The following CSMD1 variants were observed in gnomAD, a reference collection of about 807,000 sequenced individuals.
CSMD1 encodes the protein CUB and sushi domain-containing protein 1.
CSMD1 carries 213 observed loss-of-function variants against 417.5 expected under a neutral mutation model. The ratio of observed to expected loss-of-function variants is 0.51; its 90% CI spans 0.46 to 0.57. The LOEUF (loss-of-function observed/expected upper bound fraction) is 0.57. Among genes scored for constraint, CSMD1 ranks in the 20% least tolerant of loss-of-function variants. The probability of loss-of-function intolerance (pLI) is 0.00; values close to 1 mark genes in which losing one functional copy is unlikely to be tolerated. For missense variants in CSMD1, 6,923 were observed against 4,529.7 expected (o/e 1.53, Z -15.17); for synonymous variants, 2,862 against 1,736.8 (o/e 1.65, Z -16.11).
At chr8:4,534,209 G>T (rs555150027) in intron 2 of CSMD1, among the ~76,000 whole-genome samples, 2 of 152,166 alleles carry the variant, frequency 1.3e-5, no homozygotes, top group Non-Finnish European at 2.9e-5. Flanking sequence ...GAGCACACCT[G>T]CTATCTCAGA....
intron 1 of CSMD1, among the ~76,000 whole-genome samples, chr8:4,680,592 T>G (rs1805976736): frequency 6.6e-6 from 1 of 151,746 alleles, no homozygotes; most frequent in Non-Finnish European, 1.5e-5. Flanking sequence ...TTTTTGTGTT[T>G]GTTTTTGTGA....
At chr8:3,590,370 C>T (rs1479784005) in intron 8 of CSMD1, among the ~76,000 whole-genome samples, 1 of 152,142 alleles carries the variant, frequency 6.6e-6, no homozygotes, top group Non-Finnish European at 1.5e-5. Flanking sequence ...CCTTTCTTCT[C>T]ACCCATCAAG....
At chr8:3,440,880 G>T (rs1487626947) in intron 12 of CSMD1, among the ~76,000 whole-genome samples, 1 of 152,170 alleles carries the variant, frequency 6.6e-6, no homozygotes, top group Non-Finnish European at 1.5e-5. Flanking sequence ...GTTACAGCAG[G>T]CTTGATGGTG....
chr8:3,154,535 C>G (rs968109048), intron 39 of CSMD1, among the ~76,000 whole-genome samples: 1 of 152,008 alleles, frequency 6.6e-6, no homozygotes, highest in African/African-American at 2.4e-5. Flanking sequence ...TGTGTGAATT[C>G]TTGGTTTTGG....
intron 1 of CSMD1, among the ~76,000 whole-genome samples, chr8:4,762,452 C>A (rs1466264874): frequency 6.6e-6 from 1 of 152,062 alleles, no homozygotes; most frequent in African/African-American, 2.4e-5. Flanking sequence ...TCTCAAGCAT[C>A]TCAGTTATTT....
At chr8:3,345,428 T>C (rs1331284118) in intron 22 of CSMD1, among the ~76,000 whole-genome samples, 5 of 152,064 alleles carry the variant, frequency 3.3e-5, no homozygotes, top group African/African-American at 7.2e-5. Context: ...TTGATGAACA[T>C]GGAACACTCC....
chr8:4,349,184 C>T (rs553547014), intron 3 of CSMD1, among the ~76,000 whole-genome samples: 6 of 152,126 alleles, frequency 3.9e-5, no homozygotes, highest in Non-Finnish European at 5.9e-5. Flanking sequence ...CATCAGAGAA[C>T]TAAGTGAAGA....
chr8:4,628,108 T>C (rs974834378), intron 2 of CSMD1, among the ~76,000 whole-genome samples: 4 of 135,954 alleles, frequency 2.9e-5, no homozygotes, highest in Non-Finnish European at 4.8e-5. Context: ...ACCATATATA[T>C]ACTTCTGTGT....
At chr8:3,994,522 A>G (rs551474319) in intron 5 of CSMD1, among the ~76,000 whole-genome samples, 83 of 152,110 alleles carry the variant, frequency 5.5e-4, no homozygotes, top group Admixed American at 9.2e-4. Context: ...AAGAAAAATA[A>G]TGACTAGACC....
At chr8:4,500,319 C>A (rs376465899) in intron 2 of CSMD1, among the ~76,000 whole-genome samples, 1 of 152,156 alleles carries the variant, frequency 6.6e-6, no homozygotes. Context: ...CAGGGATATT[C>A]TGTAACCACC....
At chr8:2,966,493 C>T in intron 58 of CSMD1, 77 bp downstream of exon 58, 1 of 1,361,404 alleles carries the variant, frequency 7.3e-7, no homozygotes. Flanking sequence ...CAGTATAACA[C>T]CTTAAAGTCA....
At chr8:3,753,428 C>A (rs1200919926) in intron 6 of CSMD1, among the ~76,000 whole-genome samples, 3 of 152,124 alleles carry the variant, frequency 2.0e-5, no homozygotes, top group Non-Finnish European at 4.4e-5. Context: ...CTACAGACTC[C>A]CCATTTTGCT....
chr8:4,581,362 C>T (rs142007486), intron 2 of CSMD1, among the ~76,000 whole-genome samples: 17 of 152,196 alleles, frequency 1.1e-4, no homozygotes, highest in Admixed American at 2.0e-4. Context: ...TACTACCTCT[C>T]GATATACTGT....
intron 7 of CSMD1, among the ~76,000 whole-genome samples, chr8:3,704,198 C>T (rs1047742275): frequency 3.9e-5 from 6 of 152,130 alleles, no homozygotes; most frequent in African/African-American, 1.2e-4. Flanking sequence ...TGCAGCCGGC[C>T]TGAAAAATCA....
chr8:3,773,333 G>C (rs1356956114), intron 5 of CSMD1, among the ~76,000 whole-genome samples: 1 of 152,170 alleles, frequency 6.6e-6, no homozygotes, highest in Non-Finnish European at 1.5e-5. Flanking sequence ...ACCCAGGCTG[G>C]AGTGCAGTGG....
chr8:3,189,857 C>A (rs926887801), intron 34 of CSMD1, 55 bp downstream of exon 34: 2 of 1,457,840 alleles, frequency 1.4e-6, no homozygotes, highest in Non-Finnish European at 9.3e-7. Context: ...TGAGAAGTAA[C>A]TCTTTGGCAC....
intron 1 of CSMD1, among the ~76,000 whole-genome samples, chr8:4,653,664 A>G (rs1406489404): frequency 6.6e-6 from 1 of 152,100 alleles, no homozygotes; most frequent in Non-Finnish European, 1.5e-5. Flanking sequence ...TGTGATCCCC[A>G]GGAGTTAAGT....
At chr8:4,065,657 C>G (rs1049368297) in intron 3 of CSMD1, among the ~76,000 whole-genome samples, 1 of 152,158 alleles carries the variant, frequency 6.6e-6, no homozygotes, top group African/African-American at 2.4e-5. Context: ...GCCTTTTAGC[C>G]ATGACACTAC....
rs771974427 is a variant in CSMD1 at position 2,966,783 on chromosome 8, G to C, written c.8924-37C>G. The C allele has an allele frequency of 1.9e-6, 3 of 1,599,470 alleles. No homozygotes were observed. In the South Asian group the frequency reaches 3.4e-5, roughly 18 times the overall value. On this transcript the variant is annotated intron_variant, in intron 57 of 69. Transcript: ENST00000635120. ...ACAAGAACACCACCACACACAGTGA[G>C]TGACCCAGCATGAAAATGGCAAACA...
Sources: allele counts gnomAD v4.1 joint callset (sites outside exome capture counted in the v4.1 genomes callset), GRCh38; gene constraint gnomAD v4.1.1; transcripts MANE v1.5; gene names NCBI Gene and HGNC (gene_info 2026-07-23, HGNC 2026-07-21).